The following MCM3AP variants were observed in gnomAD, a reference collection of about 807,000 sequenced individuals.
MCM3AP encodes the protein germinal-center associated nuclear protein.
Under a neutral mutation model 184.1 loss-of-function variants are expected in MCM3AP, and 126 were observed. The ratio of observed to expected loss-of-function variants is 0.68; its 90% CI spans 0.59 to 0.79. The LOEUF (loss-of-function observed/expected upper bound fraction) is 0.79, where lower values mean the gene tolerates loss of function less well. Among genes scored for constraint, MCM3AP ranks in the 30% least tolerant of loss-of-function variants. The pLI is 0.00. For synonymous variants in MCM3AP, 1,002 were observed against 979.3 expected (o/e 1.02, Z -0.43); for missense variants, 2,496 against 2,479.2 (o/e 1.01, Z -0.14).
intron 14 of MCM3AP, 92 bp downstream of exon 14, chr21:46,261,188 T>A (rs954232089): frequency 2.4e-5 from 36 of 1,495,192 alleles, no homozygotes; most frequent in Non-Finnish European, 3.3e-5. Context: ...GGTAGCACAG[T>A]GGACAATAGC....
At chr21:46,274,726 A>T (rs1051190144) in intron 6 of MCM3AP, among the ~76,000 whole-genome samples, 4 of 152,094 alleles carry the variant, frequency 2.6e-5, no homozygotes, top group African/African-American at 4.8e-5. Flanking sequence ...ACTTGAGCTT[A>T]GGAGTTCGGG....
rs780492435 is a variant in MCM3AP, at chr21:46,244,912, G to A, written c.4933C>T (p.Arg1645Trp). 2.5e-5 allele frequency: 41 copies of A among 1,614,052 alleles called. No individual in the cohort carries two copies. The highest frequency in any genetic ancestry group is 1.6e-4 in the Middle Eastern group (1 of 6,084). Residue 1645 changes from arginine (R) to tryptophan (W), a missense_variant, in exon 23 of 28, where the codon CGG becomes TGG. By Grantham distance (101) the Arg-to-Trp change is moderately radical (BLOSUM62 -3). Transcript: ENST00000291688. ...TTCCAGTGCAGGTGAGGAAGCAGCC[G>A]GCTGCCCCCTGCCTCAGCAAACTCA... is the stretch of plus-strand genomic sequence containing the variant. ...VTEFAEAGGS[R>W]LLPHLHWNAP... is the part of the protein sequence containing the mutation.
At chr21:46,237,551 G>A (rs2080567211) in intron 26 of MCM3AP, among the ~76,000 whole-genome samples, 1 of 84,776 alleles carries the variant, frequency 1.2e-5, no homozygotes. Context: ...AGAGGCGCAT[G>A]CCACCCAGCT....
rs2081384780 is a variant in MCM3AP, at chr21:46,284,818, T to C, written c.469A>G (p.Ile157Val). 1.2e-6 allele frequency: 2 copies of C among 1,613,914 alleles called. No homozygotes were observed. The highest frequency in any genetic ancestry group is 1.7e-6 in the Non-Finnish European group (2 of 1,179,970). The change falls in exon 1 of 28, where the codon ATA (isoleucine) becomes GTA (valine). Residue 157 changes from isoleucine to valine, a missense_variant. Coordinates refer to ENST00000291688, the MANE Select transcript of MCM3AP (RefSeq NM_003906.5). Reference sequence around the variant, plus strand: ...TCTGGCTCAGATTCAGCCCCCAGTATTGGTTTGAACACTGCATTTTCCAGA... The same window carrying C: ...TCTGGCTCAGATTCAGCCCCCAGTACTGGTTTGAACACTGCATTTTCCAGA... ...KPLENAVFKP[I>V]LGAESEPEKT...
rs762521574 is a variant in MCM3AP, at chr21:46,266,983, C to T, written c.2788G>A (p.Gly930Ser). The change falls in exon 10 of 28, where the codon GGC (glycine) becomes AGC (serine). Residue 930 changes from glycine to serine, a missense_variant and splice_region_variant. Coordinates refer to ENST00000291688, the MANE Select transcript of MCM3AP (RefSeq NM_003906.5). Reference protein sequence around the residue: ...LTCHGLTVSDGCVELNRSAFL... With the variant: ...LTCHGLTVSDSCVELNRSAFL... ...CACAGTTCCATTCTCAGCTCTTACC[C>T]GTCGGAAACGGTGAGGCCGTGGCAG... is the stretch of plus-strand genomic sequence containing the variant. 1.2e-6 allele frequency: 2 copies of T among 1,614,068 alleles called. No individual in the cohort carries two copies. Among genetic ancestry groups the T allele is most frequent in the Non-Finnish European group, 1.7e-6 (2 of 1,180,000 alleles).
chr21:46,248,649 T>C (rs1375388874), intron 20 of MCM3AP, among the ~76,000 whole-genome samples: 1 of 146,632 alleles, frequency 6.8e-6, no homozygotes, highest in Non-Finnish European at 1.5e-5. Flanking sequence ...AGATAATACG[T>C]GAACCAAAGA....
At position 46,245,050 on chromosome 21, in the gene MCM3AP, C is replaced by T. The variant is rs779503397; in HGVS notation, c.4795G>A (p.Gly1599Ser). The change falls in exon 23 of 28, where the codon GGT (glycine) becomes AGT (serine). Residue 1599 changes from glycine to serine, a missense_variant. Physicochemically the swap from Gly to Ser is moderately conservative, Grantham distance 56. Transcript: ENST00000291688. Reference protein sequence around the residue: ...FHDRRERRLGGLASQEPGAII... With the variant: ...FHDRRERRLGSLASQEPGAII... The stretch of plus-strand genomic sequence containing the variant: ...GCGCCAGGCTCCTGAGAAGCAAGAC[C>T]GCCCAGACGCCTCTCTCTTCTGTCA... 2.6e-5 allele frequency: 42 copies of T among 1,614,094 alleles called. No homozygotes were observed. The highest frequency in any genetic ancestry group is 1.5e-4 in the South Asian group (14 of 91,090).
At chr21:46,266,219 T>G in intron 10 of MCM3AP, 53 bp from the exon 11 acceptor site, 16 of 1,546,092 alleles carry the variant, frequency 1.0e-5, no homozygotes, top group Non-Finnish European at 1.4e-5. Context: ...AGAAGACAGC[T>G]TCGCCCTCAG....
chr21:46,257,792 G>T (rs943527249), intron 16 of MCM3AP, among the ~76,000 whole-genome samples: 5 of 152,038 alleles, frequency 3.3e-5, no homozygotes, highest in Non-Finnish European at 7.4e-5. Context: ...GAGCATGGTG[G>T]CGCACGCCTG....
intron 10 of MCM3AP, 22 bp from the exon 11 acceptor site, chr21:46,266,188 C>A: frequency 1.3e-6 from 2 of 1,580,730 alleles, no homozygotes; most frequent in Non-Finnish European, 8.6e-7. Context: ...ACAAAAGACC[C>A]CCGAGGGGTG....
rs2145732344 is a variant in MCM3AP at position 46,285,239 on chromosome 21, C to T, written c.48G>A (p.Ser16=). 1 of 1,613,918 alleles carries T rather than the reference C, an allele frequency of 6.2e-7. No homozygotes were observed. The highest frequency in any genetic ancestry group is 8.5e-7 in the Non-Finnish European group (1 of 1,179,950). Reference sequence around the variant, plus strand: ...GTGTTCCTACATTACTAGAAGACGCCGAAAAAGCACTAGGCTGCTGCCCAC... The same window carrying T: ...GTGTTCCTACATTACTAGAAGACGCTGAAAAAGCACTAGGCTGCTGCCCAC... ...PFSGQQPSAF[S]ASSSNVGTLP... Residue 16 remains serine, a synonymous_variant, in exon 1 of 28, where the codon TCG becomes TCA. Transcript: ENST00000291688.
At chr21:46,249,827 T>C (rs919840848) in intron 20 of MCM3AP, 4 of 242,078 alleles carry the variant, frequency 1.7e-5, no homozygotes, top group Middle Eastern at 7.1e-4. Context: ...CTGCAGAGGC[T>C]TGGGCAGTTT....
At position 46,256,896 on chromosome 21, in the gene MCM3AP, C is replaced by A; in HGVS notation, c.3825G>T (p.Arg1275=). The change falls in exon 17 of 28, where the codon CGG becomes CGT. Residue 1275 remains arginine (R), a synonymous_variant. Coordinates refer to ENST00000291688, the MANE Select transcript of MCM3AP (RefSeq NM_003906.5). ...AAPCCVDVSD[R]LRALAPSAEC... ...CTGCGCTGGGCGCCAGCGCCCTCAGCCGGTCGCTCACGTCCACGCAGCAGG... is the reference window on the plus strand; with the variant it reads ...CTGCGCTGGGCGCCAGCGCCCTCAGACGGTCGCTCACGTCCACGCAGCAGG... The A allele has an allele frequency of 6.2e-7, 1 of 1,606,340 alleles. No homozygotes were observed. The highest frequency in any genetic ancestry group is 8.5e-7 in the Non-Finnish European group (1 of 1,176,646).
At chr21:46,262,223 A>G in intron 13 of MCM3AP, among the ~76,000 whole-genome samples, 1 of 152,246 alleles carries the variant, frequency 6.6e-6, no homozygotes, top group East Asian at 1.9e-4. Flanking sequence ...TCTATTAAAC[A>G]CTAACGAAAA....
In MCM3AP at chr21:46,256,881, C is replaced by T. The variant is rs1467368022; in HGVS notation, c.3840G>A (p.Ala1280=). ...CAGCAATGGGGCACTCTGCGCTGGG[C>T]GCCAGCGCCCTCAGCCGGTCGCTCA... ...VDVSDRLRAL[A]PSAECPIAEE... The change falls in exon 17 of 28, where the codon GCG becomes GCA. Residue 1280 remains alanine (A), a synonymous_variant. Transcript: ENST00000291688. 8 of 1,597,184 alleles carry T rather than the reference C, an allele frequency of 5.0e-6. No individual in the cohort carries two copies. The highest frequency in any genetic ancestry group is 4.5e-5 in the East Asian group (2 of 44,264).
intron 2 of MCM3AP, among the ~76,000 whole-genome samples, chr21:46,282,454 C>T (rs939385023): frequency 2.0e-5 from 3 of 152,254 alleles, no homozygotes; most frequent in Non-Finnish European, 2.9e-5. Flanking sequence ...AAAATAGTGA[C>T]GATATAAAGC....
At chr21:46,240,394 G>C (rs144394296) in intron 26 of MCM3AP, among the ~76,000 whole-genome samples, 253 of 152,234 alleles carry the variant, frequency 1.7e-3, no homozygotes, top group Non-Finnish European at 2.8e-3. Context: ...GGGAGGGAGG[G>C]AAGTGGGCAA....
rs762067952 is a variant in MCM3AP, at chr21:46,283,830, T to G, written c.1228A>C (p.Arg410=). ...ESREKKEDSL[R]GTPARQSNRS... ...TTACTCTGACGCGCCGGAGTTCCTC[T>G]TAGAGAATCTAGGGGTTCAGAGAAT... The change falls in exon 2 of 28, where the codon AGA becomes CGA. Residue 410 remains arginine (R), a synonymous_variant. Transcript: ENST00000291688. 6.2e-7 allele frequency: 1 copy of G among 1,612,466 alleles called. No individual in the cohort carries two copies. Among genetic ancestry groups the G allele is most frequent in the Non-Finnish European group, 8.5e-7 (1 of 1,179,416 alleles).
chr21:46,258,988 C>T lies in MCM3AP; in HGVS notation c.3685G>A (p.Ala1229Thr), dbSNP rs1473335577. The T allele has an allele frequency of 6.2e-7, 1 of 1,614,098 alleles. No individual in the cohort carries two copies. Among genetic ancestry groups the T allele is most frequent in the Non-Finnish European group, 8.5e-7 (1 of 1,180,008 alleles). ...TGAAGCTCCTGGAGGGTCTCCTTTG[C>T]AGTCTGGAAGATTTCCTCCACGAGA... ...LFLVEEIFQT[A>T]KETLQELQCF... Residue 1229 changes from alanine to threonine, a missense_variant, in exon 16 of 28, where the codon GCA becomes ACA. Physicochemically the swap from Ala to Thr is moderately conservative, Grantham distance 58. This residue lies in a region of MCM3AP where 1,323 missense variants were observed against 1,273.4 expected (regional missense o/e 1.04). Coordinates refer to ENST00000291688, the MANE Select transcript of MCM3AP (RefSeq NM_003906.5).
Sources: allele counts gnomAD v4.1 joint callset (sites outside exome capture counted in the v4.1 genomes callset), GRCh38; gene constraint gnomAD v4.1.1; regional missense constraint gnomAD v4.1.1; transcripts MANE v1.5; gene names NCBI Gene and HGNC (gene_info 2026-07-23, HGNC 2026-07-21).